Variants in TRIO observed in about 807,000 individuals in gnomAD.
TRIO encodes the protein trio Rho guanine nucleotide exchange factor.
TRIO carries 58 observed loss-of-function variants against 351.9 expected under a neutral mutation model. That is an observed-to-expected ratio of 0.16 (90% CI 0.13 to 0.21). The LOEUF is 0.21. Ranked by LOEUF, TRIO falls within the 10% of genes least tolerant of loss-of-function variation. TRIO has a pLI of 1.00. For synonymous variants in TRIO, 1,758 were observed against 1,595.7 expected (o/e 1.10, Z -2.42); for missense variants, 3,201 against 4,027.8 (o/e 0.79, Z 5.56).
chr5:14,470,995 T>TA (rs1394089225), intron 37 of TRIO, among the ~76,000 whole-genome samples: 3 of 152,222 alleles, frequency 2.0e-5, no homozygotes, highest in African/African-American at 7.2e-5. Context: ...ATATGTGTGA[T>TA]ATGTCCAAAA....
chr5:14,249,457 T>C (rs1010994216), intron 1 of TRIO, among the ~76,000 whole-genome samples: 3 of 152,172 alleles, frequency 2.0e-5, no homozygotes, highest in Non-Finnish European at 4.4e-5. Context: ...TTCTGGACTT[T>C]CGAGGGGGGA....
intron 1 of TRIO, among the ~76,000 whole-genome samples, chr5:14,197,913 CTG>C (rs1456553054): frequency 6.6e-6 from 1 of 152,192 alleles, no homozygotes. Context: ...GATGCTGTCT[CTG>C]TCTTCCAAGT....
intron 7 of TRIO, among the ~76,000 whole-genome samples, chr5:14,302,717 A>G (rs1218166155): frequency 6.6e-6 from 1 of 152,222 alleles, no homozygotes; most frequent in Non-Finnish European, 1.5e-5. Context: ...CTATATTTTA[A>G]GGGAATTATA....
chr5:14,178,535 G>C (rs147811717), intron 1 of TRIO, among the ~76,000 whole-genome samples: 101 of 152,306 alleles, frequency 6.6e-4, no homozygotes, highest in African/African-American at 2.4e-3. Context: ...AAACAGAGAT[G>C]GTGTTGAGAG....
chr5:14,298,328 G>A (rs1737544973), intron 7 of TRIO, among the ~76,000 whole-genome samples: 3 of 152,212 alleles, frequency 2.0e-5, no homozygotes, highest in Admixed American at 1.3e-4. Flanking sequence ...TTATCGGAAG[G>A]TGAGCAGCAC....
intron 11 of TRIO, among the ~76,000 whole-genome samples, chr5:14,337,719 AT>A (rs1741554703): frequency 6.6e-6 from 1 of 152,204 alleles, no homozygotes; most frequent in Non-Finnish European, 1.5e-5. Flanking sequence ...CAGCTCTGAG[AT>A]CTTGGACAGT....
intron 24 of TRIO, 95 bp from the exon 25 acceptor site, chr5:14,389,194 T>C (rs541386395): frequency 1.5e-4 from 135 of 913,112 alleles, no homozygotes; most frequent in Non-Finnish European, 2.1e-4. Flanking sequence ...CTTTCACTTA[T>C]ACATTAACTC....
Position 14,487,814 on chromosome 5 carries a change from G to A in TRIO, c.7186G>A (p.Gly2396Ser), listed in dbSNP as rs774125964. ...GPSAPSRRPP[G>S]ADAEGSEREA... ...CAGCGCGCCCAGCAGGCGGCCCCCC[G>A]GCGCGGACGCCGAGGGGTCCGAGCG... is the stretch of plus-strand genomic sequence containing the variant. The change falls in exon 48 of 57, where the codon GGC (glycine) becomes AGC (serine). Residue 2396 changes from glycine to serine, a missense_variant. Gly to Ser is a moderately conservative substitution (Grantham distance 56). Coordinates refer to ENST00000344204, the MANE Select transcript of TRIO (RefSeq NM_007118.4). 1.4e-5 allele frequency: 20 copies of A among 1,459,904 alleles called. 1 individual carries two copies. The highest frequency in any genetic ancestry group is 7.9e-5 in the South Asian group (6 of 75,932). 90.4% of individuals were successfully genotyped at this position (1,459,904 alleles called of 1,614,324 possible). A position where few individuals can be genotyped will look rare whatever the true frequency, so the allele number is the denominator to read the frequency against.
chr5:14,302,224 A>G (rs1243795044), intron 7 of TRIO, among the ~76,000 whole-genome samples: 3 of 152,206 alleles, frequency 2.0e-5, no homozygotes, highest in Admixed American at 6.5e-5. Context: ...TCTGTTCATT[A>G]CATTATGAAG....
At chr5:14,292,852 A>G (rs1044243377) in intron 5 of TRIO, among the ~76,000 whole-genome samples, 160 bp from the exon 6 acceptor site, 1 of 152,216 alleles carries the variant, frequency 6.6e-6, no homozygotes, top group African/African-American at 2.4e-5. Context: ...AGAACTGCTG[A>G]CTTGTTCTTC....
Position 14,309,903 on chromosome 5 carries a change from A to G in TRIO, c.1500+5311A>G, listed in dbSNP as rs16903384. ...TTTCTCTACAATTTTTTTTCTTTGA[A>G]CAGGGTTTATAGTTTCTAGTCTCTG... On this transcript the variant is annotated intron_variant, in intron 8 of 56. Coordinates refer to ENST00000344204, the MANE Select transcript of TRIO (RefSeq NM_007118.4). Among the ~76,000 whole-genome samples the G allele has an allele frequency of 5.6e-3, 845 of 151,832 alleles. 8 individuals carry two copies. The highest frequency in any genetic ancestry group is 0.018 in the African/African-American group (760 of 41,350).
intron 55 of TRIO, among the ~76,000 whole-genome samples, chr5:14,505,922 C>T (rs902569739): frequency 2.0e-5 from 3 of 152,220 alleles, no homozygotes; most frequent in South Asian, 4.1e-4. Context: ...CCACTGGCCT[C>T]GCCTGGCCTC....
At chr5:14,397,216 T>A in intron 29 of TRIO, 62 bp downstream of exon 29, 2 of 1,355,772 alleles carry the variant, frequency 1.5e-6, no homozygotes, top group Non-Finnish European at 2.0e-6. Context: ...TGTTTGTAAA[T>A]GGATTTCCTG....
At chr5:14,390,699 G>A (rs937266087) in intron 26 of TRIO, among the ~76,000 whole-genome samples, 21 of 152,306 alleles carry the variant, frequency 1.4e-4, no homozygotes, top group African/African-American at 4.3e-4. Flanking sequence ...TCAGCCCGAC[G>A]TGTCGGGGTC....
intron 1 of TRIO, among the ~76,000 whole-genome samples, chr5:14,165,780 C>G (rs1315561834): frequency 1.3e-5 from 2 of 152,128 alleles, no homozygotes; most frequent in African/African-American, 4.8e-5. Flanking sequence ...CCCAGGTGCC[C>G]TCCTGCACAG....
chr5:14,262,109 G>T (rs962588180), intron 1 of TRIO, among the ~76,000 whole-genome samples: 1 of 152,238 alleles, frequency 6.6e-6, no homozygotes, highest in Admixed American at 6.5e-5. Context: ...CGCCATGGCA[G>T]TCTGCTCAGT....
intron 1 of TRIO, among the ~76,000 whole-genome samples, chr5:14,208,928 T>C (rs948556369): frequency 2.0e-5 from 3 of 152,262 alleles, no homozygotes; most frequent in Non-Finnish European, 1.5e-5. Flanking sequence ...ATAAAGTTTG[T>C]TTGTAAAACT....
At chr5:14,324,436 TTATC>T (rs1213927974) in intron 9 of TRIO, among the ~76,000 whole-genome samples, 7 of 152,220 alleles carry the variant, frequency 4.6e-5, no homozygotes, top group Admixed American at 4.6e-4. Context: ...TGACAGATGA[TTATC>T]TATTTTCTCT....
At position 14,226,811 on chromosome 5, in the gene TRIO, C is replaced by T. The variant is rs192431510; in HGVS notation, c.158-44014C>T. 5.0e-3 allele frequency among the ~76,000 whole-genome samples: 764 copies of T among 152,262 alleles called. 3 individuals are homozygous for T. The highest frequency in any genetic ancestry group is 0.011 in the African/African-American group (460 of 41,566). Reference sequence around the variant, plus strand: ...AGTGTTTCCATATCTTCCCAGGGTTCGGAGACGTGGAGGGCACAAGTGGCC... The same window carrying T: ...AGTGTTTCCATATCTTCCCAGGGTTTGGAGACGTGGAGGGCACAAGTGGCC... On this transcript the variant is annotated intron_variant, in intron 1 of 56. Transcript: ENST00000344204.
Sources: gnomAD v4.1 joint callset for allele counts (sites outside exome capture counted in the v4.1 genomes callset) on GRCh38, gnomAD v4.1.1 for gene constraint, MANE v1.5 for transcripts, NCBI Gene and HGNC (gene_info 2026-07-23, HGNC 2026-07-21) for gene names.